MGAT4C: variants seen among roughly 807,000 people sequenced by gnomAD.
The protein encoded by MGAT4C is alpha-1,3-mannosyl-glycoprotein 4-beta-N-acetylglucosaminyltransferase C.
A neutral mutation model predicts 40.1 loss-of-function variants in MGAT4C; 19 were observed. The ratio of observed to expected loss-of-function variants is 0.47; its 90% CI spans 0.33 to 0.70. The LOEUF (loss-of-function observed/expected upper bound fraction) is 0.70, where lower values mean the gene tolerates loss of function less well. Among genes scored for constraint, MGAT4C ranks in the 30% least tolerant of loss-of-function variants. The pLI, the probability that MGAT4C is intolerant of heterozygous loss-of-function variation, is 0.02. For missense variants in MGAT4C, 491 were observed against 563.2 expected, an observed-to-expected ratio of 0.87 and a Z score of 1.30; for synonymous variants, 181 against 187.1, an observed-to-expected ratio of 0.97 and a Z score of 0.27.
At chr12:86,185,858 A>T (rs1689364) in intron 1 of MGAT4C, among the ~76,000 whole-genome samples, 135,847 of 152,106 alleles carry the variant, frequency 0.89, 60,889 homozygotes, top group East Asian at 1. Flanking sequence ...GGCAAAGAGA[A>T]GAGAGTCGCT....
At chr12:86,456,468 G>A (rs1344053722) in intron 2 of MGAT4C, among the ~76,000 whole-genome samples, 2 of 152,140 alleles carry the variant, frequency 1.3e-5, no homozygotes, top group South Asian at 2.1e-4. Flanking sequence ...TTACTGCCTG[G>A]AGCTAAATGA....
At chr12:86,733,492 G>T (rs534654064) in intron 1 of MGAT4C, among the ~76,000 whole-genome samples, 25 of 152,002 alleles carry the variant, frequency 1.6e-4, no homozygotes, top group Non-Finnish European at 2.9e-4. Context: ...ATGTTGAAAG[G>T]GTCTGTGATT....
intron 2 of MGAT4C, among the ~76,000 whole-genome samples, chr12:86,690,442 G>A (rs757123271): frequency 6.6e-6 from 1 of 152,174 alleles, no homozygotes; most frequent in Non-Finnish European, 1.5e-5. Flanking sequence ...CCCTGGTGGT[G>A]TAGGCACCCG....
chr12:86,658,337 T>C (rs1468949951), intron 2 of MGAT4C, among the ~76,000 whole-genome samples: 1 of 152,094 alleles, frequency 6.6e-6, no homozygotes, highest in Non-Finnish European at 1.5e-5. Flanking sequence ...AAAAAACATC[T>C]TTGAAGATAC....
intron 2 of MGAT4C, among the ~76,000 whole-genome samples, chr12:86,687,215 ATTC>A (rs1950089423): frequency 6.6e-6 from 1 of 151,056 alleles, no homozygotes; most frequent in East Asian, 2.0e-4. Context: ...TTTATTTTCT[ATTC>A]TTCTTTCTTT....
intron 2 of MGAT4C, among the ~76,000 whole-genome samples, chr12:86,534,411 T>C (rs1565831816): frequency 1.3e-5 from 2 of 152,112 alleles, no homozygotes; most frequent in Non-Finnish European, 2.9e-5. Context: ...CATGTATTGA[T>C]TGATGTCTGC....
chr12:86,502,922 TATATATATATATGAGTTCTGCTC>T (rs1958385040), intron 2 of MGAT4C, among the ~76,000 whole-genome samples: 1 of 26,212 alleles, frequency 3.8e-5, no homozygotes, highest in Non-Finnish European at 6.9e-5. Flanking sequence ...TCTGCTCATA[TATATATATATATGAGTTCTGCTC>T]ATATATATAT....
chr12:86,063,506 T>C (rs1377686862), intron 1 of MGAT4C, among the ~76,000 whole-genome samples: 1 of 152,116 alleles, frequency 6.6e-6, no homozygotes, highest in Non-Finnish European at 1.5e-5. Flanking sequence ...AATGACAGGA[T>C]CAAATTCACA....
At chr12:86,267,108 C>T (rs184306824) in intron 4 of MGAT4C, among the ~76,000 whole-genome samples, 3 of 151,182 alleles carry the variant, frequency 2.0e-5, no homozygotes, top group East Asian at 1.9e-4. Context: ...TCATTTAGAT[C>T]GGCTCTGACT....
chr12:86,697,324 C>T lies in MGAT4C; in HGVS notation c.-229+29885G>A, dbSNP rs115208187. Among the ~76,000 whole-genome samples the T allele has an allele frequency of 4.9e-3, 741 of 152,156 alleles. 4 individuals carry two copies. The highest frequency in any genetic ancestry group is 0.017 in the African/African-American group (720 of 41,538). On this transcript the variant is annotated intron_variant, in intron 2 of 7. Coordinates refer to the MGAT4C transcript ENST00000548651. ...TACCATTCATATATGCTGAGTGTTT[C>T]TGCAATCTTGACTAATTGATGATAT...
chr12:86,787,511 GA>G (rs900696328), intron 1 of MGAT4C, among the ~76,000 whole-genome samples: 16 of 145,220 alleles, frequency 1.1e-4, no homozygotes, highest in East Asian at 2.0e-4. Context: ...TGGATTCAAT[GA>G]AAAAAAAAAG....
chr12:86,157,980 A>G (rs1285472399), intron 1 of MGAT4C, among the ~76,000 whole-genome samples: 3 of 152,202 alleles, frequency 2.0e-5, no homozygotes, highest in Non-Finnish European at 4.4e-5. Context: ...TGAAAAATAT[A>G]CTTTATTCAA....
At chr12:86,625,955 A>G (rs569974406) in intron 2 of MGAT4C, among the ~76,000 whole-genome samples, 1 of 152,302 alleles carries the variant, frequency 6.6e-6, no homozygotes, top group South Asian at 2.1e-4. Flanking sequence ...GTTAGACAGA[A>G]TAAAAAACCA....
chr12:86,398,710 C>T (rs1054233223), intron 3 of MGAT4C, among the ~76,000 whole-genome samples: 2 of 151,712 alleles, frequency 1.3e-5, no homozygotes, highest in Non-Finnish European at 2.9e-5. Flanking sequence ...CCTTTTTCTT[C>T]CTGAGGCAGG....
At chr12:86,026,126 C>A (rs1218683289) in intron 2 of MGAT4C, among the ~76,000 whole-genome samples, 1 of 151,670 alleles carries the variant, frequency 6.6e-6, no homozygotes, top group East Asian at 1.9e-4. Flanking sequence ...AGTAAGTGTC[C>A]AAGTCCTATT....
intron 1 of MGAT4C, among the ~76,000 whole-genome samples, chr12:86,167,084 G>A (rs1276438542): frequency 6.6e-6 from 1 of 152,100 alleles, no homozygotes; most frequent in East Asian, 1.9e-4. Context: ...TTTATGTGAA[G>A]TGCTTAAAGT....
chr12:86,191,354 T>TGC (rs1566118417), intron 1 of MGAT4C, among the ~76,000 whole-genome samples: 21 of 151,954 alleles, frequency 1.4e-4, no homozygotes, highest in African/African-American at 3.6e-4. Flanking sequence ...GCAAGAAAAC[T>TGC]ACGTGAAATG....
At chr12:86,444,362 T>C (rs1957294865) in intron 2 of MGAT4C, among the ~76,000 whole-genome samples, 1 of 152,146 alleles carries the variant, frequency 6.6e-6, no homozygotes, top group Non-Finnish European at 1.5e-5. Context: ...TGATCATGGA[T>C]CTCTTTTTCT....
intron 1 of MGAT4C, among the ~76,000 whole-genome samples, chr12:86,206,658 C>T (rs1950265875): frequency 6.6e-6 from 1 of 152,130 alleles, no homozygotes; most frequent in African/African-American, 2.4e-5. Flanking sequence ...CTCTCTCTCA[C>T]ACACTCTTCT....
Sources: gnomAD v4.1 joint callset for allele counts (sites outside exome capture counted in the v4.1 genomes callset) on GRCh38, gnomAD v4.1.1 for gene constraint, MANE v1.5 for transcripts, NCBI Gene and HGNC (gene_info 2026-07-23, HGNC 2026-07-21) for gene names.